Variants in SLC5A12 observed in about 807,000 individuals in gnomAD.
SLC5A12 encodes solute carrier family 5 member 12, also known as sodium-coupled monocarboxylate transporter 2.
SLC5A12 carries 46 observed loss-of-function variants against 72.7 expected under a neutral mutation model. That is an observed-to-expected ratio of 0.63 (90% CI 0.50 to 0.81). The LOEUF (loss-of-function observed/expected upper bound fraction) is 0.81. Among genes scored for constraint, SLC5A12 ranks in the 30% least tolerant of loss-of-function variants. The pLI, the probability that SLC5A12 is intolerant of heterozygous loss-of-function variation, is 0.00. For missense variants in SLC5A12, 683 were observed against 740.7 expected, an observed-to-expected ratio of 0.92 and a Z score of 0.90; for synonymous variants, 275 against 264.4, an observed-to-expected ratio of 1.04 and a Z score of -0.39.
intron 6 of SLC5A12, among the ~76,000 whole-genome samples, chr11:26,700,531 A>AAATAAATAAATAAATC (rs1442086380): frequency 1.3e-5 from 2 of 152,096 alleles, no homozygotes; most frequent in African/African-American, 4.8e-5. Flanking sequence ...ATAAATAAAT[A>AAATAAATAAATAAATC]AATCAGATAA....
intron 11 of SLC5A12, 53 bp from the exon 12 acceptor site, chr11:26,681,274 A>C: frequency 7.0e-7 from 1 of 1,434,128 alleles, no homozygotes; most frequent in South Asian, 1.5e-5. Context: ...TGTCTATGGA[A>C]AGAATAATGA....
intron 8 of SLC5A12, among the ~76,000 whole-genome samples, chr11:26,695,169 T>G (rs903061506): frequency 9.9e-5 from 15 of 152,048 alleles, no homozygotes; most frequent in African/African-American, 3.6e-4. Flanking sequence ...AATAGATAAA[T>G]TATATTTTAA....
At chr11:26,693,507 A>G (rs1160809413) in intron 8 of SLC5A12, among the ~76,000 whole-genome samples, 1 of 152,226 alleles carries the variant, frequency 6.6e-6, no homozygotes, top group Non-Finnish European at 1.5e-5. Flanking sequence ...TAGGTGACAG[A>G]GGACCTGAAC....
At chr11:26,703,151 T>A (rs1266909244) in intron 6 of SLC5A12, among the ~76,000 whole-genome samples, 5 of 152,046 alleles carry the variant, frequency 3.3e-5, no homozygotes, top group Non-Finnish European at 5.9e-5. Context: ...TTTTAACCCA[T>A]GAAAAGAAAA....
At chr11:26,677,924 A>G (rs1445652397) in intron 13 of SLC5A12, among the ~76,000 whole-genome samples, 2 of 152,178 alleles carry the variant, frequency 1.3e-5, no homozygotes, top group Non-Finnish European at 2.9e-5. Flanking sequence ...ACAAGAGTAC[A>G]GTGAACTTAT....
chr11:26,687,047 C>CT (rs1383932808), intron 9 of SLC5A12, among the ~76,000 whole-genome samples: 1 of 151,938 alleles, frequency 6.6e-6, no homozygotes, highest in South Asian at 2.1e-4. Context: ...CCCTTTGGCG[C>CT]TTTTTTTTAT....
chr11:26,686,982 G>A (rs1173712781), intron 9 of SLC5A12, among the ~76,000 whole-genome samples: 2 of 152,132 alleles, frequency 1.3e-5, no homozygotes, highest in East Asian at 1.9e-4. Flanking sequence ...GTTAAATAAT[G>A]TCTACACATT....
At chr11:26,686,655 T>C in intron 9 of SLC5A12, 111 bp from the exon 10 acceptor site, 1 of 891,772 alleles carries the variant, frequency 1.1e-6, no homozygotes, top group Non-Finnish European at 1.8e-6. Flanking sequence ...TGCAAAGGGA[T>C]CTCAGCGAGG....
chr11:26,668,101 G>T lies in SLC5A12; in HGVS notation c.*3001C>A, dbSNP rs745634962. The T allele has an allele frequency of 1.3e-5, 2 of 151,760 alleles. No individual in the cohort carries two copies. Among genetic ancestry groups the T allele is most frequent in the Non-Finnish European group, 2.9e-5 (2 of 67,938 alleles). 9.4% of individuals were successfully genotyped at this position (151,760 alleles called of 1,614,324 possible). On this transcript the variant is annotated 3_prime_UTR_variant, in exon 15 of 15. Transcript: ENST00000396005. ...GAATAAACTAAGATTTTAAAATATTGCCCAAAATTACCTAGATTTGTGTCA... is the reference window on the plus strand; with the variant it reads ...GAATAAACTAAGATTTTAAAATATTTCCCAAAATTACCTAGATTTGTGTCA...
chr11:26,717,396 T>C (rs1855375433), intron 1 of SLC5A12, among the ~76,000 whole-genome samples: 2 of 152,042 alleles, frequency 1.3e-5, no homozygotes, highest in Non-Finnish European at 2.9e-5. Context: ...TATGAGTGTA[T>C]GATAAGAGAA....
chr11:26,670,960 A>G lies in SLC5A12; in HGVS notation c.*142T>C. ...AGTCATTTTGCATGTAGTTATAAAT[A>G]AGTAGAAATAGGCACCAGACATCCC... On this transcript the variant is annotated 3_prime_UTR_variant, in exon 15 of 15. Coordinates refer to ENST00000396005, the MANE Select transcript of SLC5A12 (RefSeq NM_178498.4). 1.5e-6 allele frequency: 1 copy of G among 661,824 alleles called. No individual in the cohort carries two copies. Among genetic ancestry groups the G allele is most frequent in the East Asian group, 3.2e-5 (1 of 31,722 alleles). The allele number at this position is 661,824 out of a possible 1,614,324, so 41.0% of individuals were successfully genotyped here.
chr11:26,705,601 A>G (rs541863678), intron 4 of SLC5A12, among the ~76,000 whole-genome samples: 21 of 152,084 alleles, frequency 1.4e-4, no homozygotes, highest in Admixed American at 2.6e-4. Flanking sequence ...CACTGTATTT[A>G]TATATTTTGT....
Position 26,697,204 on chromosome 11 carries a change from G to T in SLC5A12, c.1000C>A (p.Pro334Thr). The T allele has an allele frequency of 1.2e-6, 2 of 1,613,788 alleles. No homozygotes were observed. Among genetic ancestry groups the T allele is most frequent in the Non-Finnish European group, 1.7e-6 (2 of 1,179,892 alleles). Residue 334 changes from proline (P) to threonine (T), a missense_variant, in exon 8 of 15, where the codon CCA (proline) becomes ACA (threonine). Physicochemically the swap from Pro to Thr is conservative, Grantham distance 38. Transcript: ENST00000396005. ...MEIFATMPGLPGLFVACAFSG... is the reference protein window; with the variant it reads ...MEIFATMPGLTGLFVACAFSG... ...AAGGCACAAGCCACAAAAAGTCCTG[G>T]CAGTCCTGGCATTGTGGCAAATATC... is the stretch of plus-strand genomic sequence containing the variant.
chr11:26,679,193 A>G (rs1461478077), intron 12 of SLC5A12, among the ~76,000 whole-genome samples: 1 of 152,160 alleles, frequency 6.6e-6, no homozygotes, highest in East Asian at 1.9e-4. Context: ...TACAGGAGCT[A>G]ATAGACAATC....
At chr11:26,678,119 A>G (rs1854306696) in intron 13 of SLC5A12, among the ~76,000 whole-genome samples, 1 of 152,162 alleles carries the variant, frequency 6.6e-6, no homozygotes, top group Non-Finnish European at 1.5e-5. Context: ...AAAGGACAAC[A>G]TAGGCAAAAA....
intron 1 of SLC5A12, among the ~76,000 whole-genome samples, chr11:26,713,271 G>C (rs1351860828): frequency 2.0e-5 from 3 of 151,932 alleles, no homozygotes; most frequent in Non-Finnish European, 2.9e-5. Context: ...TTCCATTGTC[G>C]GATCCACGCC....
At chr11:26,696,905 A>G (rs972662154) in intron 8 of SLC5A12, among the ~76,000 whole-genome samples, 6 of 152,194 alleles carry the variant, frequency 3.9e-5, no homozygotes, top group Non-Finnish European at 7.3e-5. Context: ...ACCAAGGCTT[A>G]CATCCAGCCC....
At chr11:26,673,824 A>C (rs532732276) in intron 13 of SLC5A12, among the ~76,000 whole-genome samples, 1 of 152,178 alleles carries the variant, frequency 6.6e-6, no homozygotes, top group Non-Finnish European at 1.5e-5. Flanking sequence ...TTTGGCCAAC[A>C]GAGGGGATAG....
intron 11 of SLC5A12, among the ~76,000 whole-genome samples, chr11:26,683,294 C>G (rs1854451035): frequency 6.6e-6 from 1 of 152,126 alleles, no homozygotes; most frequent in Non-Finnish European, 1.5e-5. Flanking sequence ...ATCCAGCTGT[C>G]AGAACCCAAG....
Sources: allele counts gnomAD v4.1 joint callset (sites outside exome capture counted in the v4.1 genomes callset), GRCh38; gene constraint gnomAD v4.1.1; transcripts MANE v1.5; gene names NCBI Gene and HGNC (gene_info 2026-07-23, HGNC 2026-07-21).